The following PAPPA variants were observed in gnomAD, a reference collection of about 807,000 sequenced individuals.
The protein encoded by PAPPA is pappalysin-1.
Under a neutral mutation model 164.0 loss-of-function variants are expected in PAPPA, and 60 were observed. The ratio of observed to expected loss-of-function variants is 0.37; its 90% CI spans 0.30 to 0.45. The LOEUF (loss-of-function observed/expected upper bound fraction) is 0.45, where lower values mean the gene tolerates loss of function less well. Ranked by LOEUF, PAPPA falls within the 20% of genes least tolerant of loss-of-function variation. The pLI is 1.00. For missense variants in PAPPA, 1,782 were observed against 2,087.3 expected (o/e 0.85, Z 2.85); for synonymous variants, 875 against 814.1 (o/e 1.07, Z -1.27).
At chr9:116,195,706 G>T (rs446783) in intron 2 of PAPPA, among the ~76,000 whole-genome samples, 82,106 of 151,904 alleles carry the variant, frequency 0.54, 23,938 homozygotes, top group East Asian at 0.77. Flanking sequence ...TTTGGGAATT[G>T]CCCTCCTCCG....
At chr9:116,380,011 C>T (rs1846707317) in intron 20 of PAPPA, among the ~76,000 whole-genome samples, 1 of 152,208 alleles carries the variant, frequency 6.6e-6, no homozygotes, top group South Asian at 2.1e-4. Context: ...ATGATCTCAG[C>T]TGAAGCGTCA....
chr9:116,344,431 G>C (rs948870583), intron 13 of PAPPA, 112 bp from the exon 14 acceptor site: 3 of 1,100,666 alleles, frequency 2.7e-6, no homozygotes, highest in African/African-American at 3.1e-5. Context: ...TCTGTCCTCA[G>C]TCTCAAGCCC....
At chr9:116,253,082 G>C (rs1844878631) in intron 7 of PAPPA, among the ~76,000 whole-genome samples, 1 of 152,050 alleles carries the variant, frequency 6.6e-6, no homozygotes, top group Admixed American at 6.5e-5. Context: ...CATTCAACAT[G>C]TGATTGCAAA....
intron 1 of PAPPA, among the ~76,000 whole-genome samples, chr9:116,162,522 G>T (rs1843680312): frequency 6.6e-6 from 1 of 152,176 alleles, no homozygotes; most frequent in Non-Finnish European, 1.5e-5. Context: ...GAATCAAACT[G>T]CCTGGTCAAA....
At chr9:116,255,545 A>C (rs935662748) in intron 7 of PAPPA, among the ~76,000 whole-genome samples, 3 of 152,046 alleles carry the variant, frequency 2.0e-5, no homozygotes, top group African/African-American at 7.2e-5. Flanking sequence ...GACATGCAAG[A>C]AATAAAATAG....
chr9:116,323,800 G>A (rs1202315592), intron 10 of PAPPA, among the ~76,000 whole-genome samples: 1 of 152,226 alleles, frequency 6.6e-6, no homozygotes, highest in Non-Finnish European at 1.5e-5. Flanking sequence ...ATTCACCTGA[G>A]AAGCTGGAAA....
chr9:116,187,042 A>C lies in PAPPA; in HGVS notation c.416-112A>C. The C allele has an allele frequency of 1.3e-6, 1 of 770,764 alleles. No homozygotes were observed. The highest frequency in any genetic ancestry group is 2.1e-6 in the Non-Finnish European group (1 of 485,002). 47.7% of individuals were successfully genotyped at this position (770,764 alleles called of 1,614,324 possible). On this transcript the variant is annotated intron_variant, in intron 1 of 21. Transcript: ENST00000328252. The surrounding 1 kb of genome is among the most constrained non-coding windows in gnomAD (Gnocchi z 4.2). ...TCCTAGGATCCCACAGAGCAGTTGG[A>C]AAGCGATGAGTCTAGGATAACCTGA...
At chr9:116,156,348 G>GTATATATATATATATATATATGTA (rs746877150) in intron 1 of PAPPA, among the ~76,000 whole-genome samples, 1 of 117,110 alleles carries the variant, frequency 8.5e-6, no homozygotes, top group African/African-American at 3.0e-5. Context: ...ATATATATAT[G>GTATATATATATATATATATATGTA]TATATATATA....
intron 20 of PAPPA, among the ~76,000 whole-genome samples, chr9:116,381,163 G>C (rs752174362): frequency 6.6e-6 from 1 of 152,140 alleles, no homozygotes; most frequent in Non-Finnish European, 1.5e-5. Context: ...TCATTAGTGG[G>C]AGTCCTGAGG....
intron 10 of PAPPA, among the ~76,000 whole-genome samples, chr9:116,323,426 A>C (rs1380203215): frequency 6.6e-6 from 1 of 152,122 alleles, no homozygotes. Flanking sequence ...CCATCCATCA[A>C]ATGTGAGAAT....
chr9:116,250,957 C>A (rs571345942), intron 7 of PAPPA, among the ~76,000 whole-genome samples: 9 of 152,286 alleles, frequency 5.9e-5, no homozygotes, highest in African/African-American at 2.2e-4. Context: ...TCTTAGAGAG[C>A]TGACATAGTA....
intron 8 of PAPPA, among the ~76,000 whole-genome samples, chr9:116,266,904 G>A (rs1428811245): frequency 1.3e-5 from 2 of 152,176 alleles, no homozygotes; most frequent in South Asian, 4.1e-4. Context: ...CTATTGCTAA[G>A]AGACTTTTTA....
In PAPPA at chr9:116,188,036, C is replaced by T. The variant is rs775541104; in HGVS notation, c.1298C>T (p.Thr433Met). The T allele has an allele frequency of 1.4e-5, 22 of 1,614,052 alleles. No homozygotes were observed. The highest frequency in any genetic ancestry group is 1.6e-5 in the Non-Finnish European group (19 of 1,180,044). ...NCDPECNHTL[T>M]GHDGGDCRHL... ...GACCCCGAGTGCAACCACACGCTGA[C>T]GGGCCACGACGGCGGGGATTGCCGC... is the stretch of plus-strand genomic sequence containing the variant. The change falls in exon 2 of 22, where the codon ACG becomes ATG. Residue 433 changes from threonine (T) to methionine (M), a missense_variant. By Grantham distance (81) the Thr-to-Met change is moderately conservative. Coordinates refer to ENST00000328252, the MANE Select transcript of PAPPA (RefSeq NM_002581.5).
intron 7 of PAPPA, among the ~76,000 whole-genome samples, chr9:116,253,347 AT>A (rs1564199707): frequency 6.6e-6 from 1 of 152,198 alleles, no homozygotes; most frequent in Non-Finnish European, 1.5e-5. Flanking sequence ...TGAGTCCTCC[AT>A]TTTGACTGAG....
At chr9:116,306,204 C>G (rs1845644268) in intron 10 of PAPPA, among the ~76,000 whole-genome samples, 1 of 152,124 alleles carries the variant, frequency 6.6e-6, no homozygotes, top group African/African-American at 2.4e-5. Flanking sequence ...ACTGAAATAC[C>G]CAGCCTCTGA....
At chr9:116,353,505 G>C in intron 16 of PAPPA, 117 bp from the exon 17 acceptor site, 1 of 878,008 alleles carries the variant, frequency 1.1e-6, no homozygotes, top group East Asian at 2.5e-5. Flanking sequence ...CAATAGGTCA[G>C]GTGGGGAATC....
intron 1 of PAPPA, among the ~76,000 whole-genome samples, chr9:116,165,728 T>G (rs1159768983): frequency 6.6e-6 from 1 of 152,190 alleles, no homozygotes; most frequent in Non-Finnish European, 1.5e-5. Context: ...ATCACTTTTT[T>G]TACTTGGCTT....
chr9:116,198,933 T>C (rs1314982841), intron 2 of PAPPA, among the ~76,000 whole-genome samples: 1 of 152,200 alleles, frequency 6.6e-6, no homozygotes, highest in Non-Finnish European at 1.5e-5. Context: ...TTTTCCCCTT[T>C]TGAATGCTTT....
intron 11 of PAPPA, 71 bp from the exon 12 acceptor site, chr9:116,332,262 C>A (rs1846002375): frequency 7.2e-6 from 10 of 1,397,602 alleles, no homozygotes; most frequent in African/African-American, 1.4e-5. Flanking sequence ...CTCAAATGCA[C>A]CCCAATGTGG....
Sources: gnomAD v4.1 joint callset for allele counts (sites outside exome capture counted in the v4.1 genomes callset) on GRCh38, gnomAD v4.1.1 for gene constraint, Gnocchi (gnomAD v3.1) non-coding constraint, MANE v1.5 for transcripts, NCBI Gene and HGNC (gene_info 2026-07-23, HGNC 2026-07-21) for gene names.